STEAP1B: variants seen among roughly 807,000 people sequenced by gnomAD.
The protein encoded by STEAP1B is STEAP family protein MGC87042.
STEAP1B carries 13 observed loss-of-function variants against 27.9 expected under a neutral mutation model. The ratio of observed to expected loss-of-function variants is 0.47; its 90% CI spans 0.30 to 0.74. STEAP1B has a LOEUF of 0.74. Ranked by LOEUF, STEAP1B falls within the 30% of genes least tolerant of loss-of-function variation. The pLI, the probability that STEAP1B is intolerant of heterozygous loss-of-function variation, is 0.06. For missense variants in STEAP1B, 250 were observed against 298.7 expected (o/e 0.84, Z 1.20); for synonymous variants, 86 against 107.1 (o/e 0.80, Z 1.22).
intron 4 of STEAP1B, among the ~76,000 whole-genome samples, chr7:22,432,471 G>C (rs1785200717): frequency 6.6e-6 from 1 of 152,126 alleles, no homozygotes; most frequent in Admixed American, 6.5e-5. Context: ...AGCTACTTGG[G>C]AGGCTAAGGT....
intron 4 of STEAP1B, among the ~76,000 whole-genome samples, chr7:22,426,270 CA>C (rs1166166043): frequency 6.6e-6 from 1 of 151,748 alleles, no homozygotes; most frequent in African/African-American, 2.4e-5. Context: ...CCATAAAATA[CA>C]AAACAAAATA....
intron 4 of STEAP1B, among the ~76,000 whole-genome samples, chr7:22,422,945 G>A (rs982605748): frequency 2.6e-5 from 4 of 152,066 alleles, no homozygotes; most frequent in Admixed American, 6.6e-5. Flanking sequence ...GGGTGTGAAC[G>A]GAGATATTTG....
At chr7:22,454,212 G>A (rs771352068) in intron 4 of STEAP1B, among the ~76,000 whole-genome samples, 7 of 152,186 alleles carry the variant, frequency 4.6e-5, no homozygotes, top group Non-Finnish European at 7.3e-5. Flanking sequence ...CAGCCCTAGG[G>A]ATGAGAGAGA....
At chr7:22,464,605 G>C (rs752583098) in intron 4 of STEAP1B, among the ~76,000 whole-genome samples, 3 of 152,062 alleles carry the variant, frequency 2.0e-5, no homozygotes, top group Non-Finnish European at 2.9e-5. Flanking sequence ...ATTAGGGTGA[G>C]CCCTAATCCA....
intron 4 of STEAP1B, among the ~76,000 whole-genome samples, chr7:22,466,875 A>G (rs1263561702): frequency 6.6e-6 from 1 of 152,210 alleles, no homozygotes; most frequent in East Asian, 1.9e-4. Context: ...CTTGCTGGCC[A>G]TGAGATCTTG....
At chr7:22,497,198 C>A (rs1229192796) in intron 1 of STEAP1B, among the ~76,000 whole-genome samples, 1 of 152,190 alleles carries the variant, frequency 6.6e-6, no homozygotes, top group Non-Finnish European at 1.5e-5. Context: ...CTACTTCAAG[C>A]ATGGTCATTC....
intron 4 of STEAP1B, among the ~76,000 whole-genome samples, chr7:22,450,948 A>T (rs1017887702): frequency 6.6e-6 from 1 of 152,128 alleles, no homozygotes; most frequent in African/African-American, 2.4e-5. Context: ...CAATCCCAGC[A>T]CTTTGGGAGG....
At chr7:22,482,392 T>C (rs1432513067) in intron 4 of STEAP1B, among the ~76,000 whole-genome samples, 1 of 152,222 alleles carries the variant, frequency 6.6e-6, no homozygotes, top group Non-Finnish European at 1.5e-5. Context: ...TTATGGGTCA[T>C]ATTTATACAA....
At chr7:22,454,040 C>T (rs888134233) in intron 4 of STEAP1B, among the ~76,000 whole-genome samples, 1 of 152,124 alleles carries the variant, frequency 6.6e-6, no homozygotes, top group East Asian at 1.9e-4. Context: ...ATACATTTTT[C>T]TTGGGTATTG....
chr7:22,493,139 T>C (rs16881814), intron 3 of STEAP1B, among the ~76,000 whole-genome samples, 185 bp downstream of exon 3: 16,570 of 152,266 alleles, frequency 0.11, 1,001 homozygotes, highest in Non-Finnish European at 0.13. Flanking sequence ...TTAAAAAACA[T>C]TTCTCAATAT....
At chr7:22,472,397 T>A (rs1220664800) in intron 4 of STEAP1B, among the ~76,000 whole-genome samples, 5 of 152,154 alleles carry the variant, frequency 3.3e-5, no homozygotes, top group Non-Finnish European at 7.4e-5. Context: ...CCTAGGCCAA[T>A]AGCAAATGTC....
chr7:22,431,941 A>G (rs1290967093), intron 4 of STEAP1B, among the ~76,000 whole-genome samples: 2 of 152,182 alleles, frequency 1.3e-5, no homozygotes, highest in African/African-American at 4.8e-5. Flanking sequence ...CTGCTCCAGC[A>G]TTCCTTGCTG....
chr7:22,482,824 C>A (rs936809668), intron 4 of STEAP1B, among the ~76,000 whole-genome samples: 1 of 152,230 alleles, frequency 6.6e-6, no homozygotes, highest in Non-Finnish European at 1.5e-5. Flanking sequence ...ACCCTACACA[C>A]ACTCCTACTA....
At chr7:22,425,093 AG>A (rs1200260423) in intron 4 of STEAP1B, among the ~76,000 whole-genome samples, 1 of 152,208 alleles carries the variant, frequency 6.6e-6, no homozygotes, top group Admixed American at 6.5e-5. Flanking sequence ...AACTCTTCAA[AG>A]CAAAAGACCA....
rs987909451 is a variant in STEAP1B at position 22,429,151 on chromosome 7, T to G, written c.763-9315A>C. ...CAGGGCACTGAAGGTGCATATACCC[T>G]ACAACCCTGGCCCTCCACTCATAGG... On this transcript the variant is annotated intron_variant, in intron 4 of 4. Transcript: ENST00000678116. Among the ~76,000 whole-genome samples, 63 of 152,314 alleles carry G rather than the reference T, an allele frequency of 4.1e-4. 1 individual carries two copies. Among genetic ancestry groups the G allele is most frequent in the Admixed American group, 3.9e-3 (60 of 15,294 alleles).
At chr7:22,443,189 C>CAAGAA (rs1162325905) in intron 4 of STEAP1B, among the ~76,000 whole-genome samples, 10 of 152,234 alleles carry the variant, frequency 6.6e-5, no homozygotes, top group African/African-American at 2.4e-4. Context: ...CTACCATCTG[C>CAAGAA]TTCTTGCAGG....
At chr7:22,432,169 G>C (rs904230309) in intron 4 of STEAP1B, among the ~76,000 whole-genome samples, 3 of 152,022 alleles carry the variant, frequency 2.0e-5, no homozygotes, top group Non-Finnish European at 2.9e-5. Context: ...GGCTGTCTAT[G>C]AGAAGTAGAT....
rs370122003 is a variant in STEAP1B, at chr7:22,487,188, C to T, written c.762+5377G>A. ...GTGGCTCATGCCTGAAATCCCAGCA[C>T]TTTAGGAGACCAAGGCAGAAGGATC... On this transcript the variant is annotated intron_variant, in intron 4 of 4. Coordinates refer to ENST00000678116, the MANE Select transcript of STEAP1B (RefSeq NM_001382447.1). 1.1e-4 allele frequency among the ~76,000 whole-genome samples: 16 copies of T among 151,640 alleles called. No homozygotes were observed. The East Asian group carries it at 1.8e-3, about 17-fold the overall frequency.
At chr7:22,436,651 T>TTTTCCTGTGGTA (rs1785259110) in intron 4 of STEAP1B, among the ~76,000 whole-genome samples, 1 of 151,980 alleles carries the variant, frequency 6.6e-6, no homozygotes, top group African/African-American at 2.4e-5. Flanking sequence ...TGGTATTTGG[T>TTTTCCTGTGGTA]TTTCTGTTCC....
Sources: allele counts gnomAD v4.1 joint callset (sites outside exome capture counted in the v4.1 genomes callset), GRCh38; gene constraint gnomAD v4.1.1; transcripts MANE v1.5; gene names NCBI Gene and HGNC (gene_info 2026-07-23, HGNC 2026-07-21).